BIN1: variants seen among roughly 807,000 people sequenced by gnomAD.
The protein encoded by BIN1 is bridging integrator 1.
Under a neutral mutation model 82.0 loss-of-function variants are expected in BIN1, and 53 were observed. The observed-to-expected ratio is 0.65, with a 90% CI of 0.52 to 0.81. The LOEUF is 0.81. Among genes scored for constraint, BIN1 ranks in the 40% least tolerant of loss-of-function variants. The pLI is 0.00. For synonymous variants in BIN1, 302 were observed against 328.0 expected (o/e 0.92, Z 0.86); for missense variants, 642 against 784.4 (o/e 0.82, Z 2.17).
At chr2:127,074,122 A>C (rs1273227126) in intron 2 of BIN1, among the ~76,000 whole-genome samples, 1 of 152,038 alleles carries the variant, frequency 6.6e-6, no homozygotes, top group African/African-American at 2.4e-5. Flanking sequence ...TGGGCCCACT[A>C]GGCTTGGGGC....
chr2:127,051,155 G>C lies in BIN1; in HGVS notation c.1460C>G (p.Ser487Cys), dbSNP rs1342661066. 6.2e-6 allele frequency: 10 copies of C among 1,613,382 alleles called. No individual in the cohort carries two copies. Among genetic ancestry groups the C allele is most frequent in the Non-Finnish European group, 8.5e-6 (10 of 1,179,918 alleles). ...PGETAASEAASSSLPAVVVET... is the reference protein window; with the variant it reads ...PGETAASEAACSSLPAVVVET... Reference sequence around the variant, plus strand: ...AGGGCTTTGTCCCTGCTGTCTTACGGAGGCTGCTTCACTTGCCGCCGTCTC... The same window carrying C: ...AGGGCTTTGTCCCTGCTGTCTTACGCAGGCTGCTTCACTTGCCGCCGTCTC... Residue 487 changes from serine to cysteine, a missense_variant and splice_region_variant, in exon 16 of 19, where the codon TCC becomes TGC. Physicochemically the swap from Ser to Cys is moderately radical, Grantham distance 112. Transcript: ENST00000316724.
Position 127,067,934 on chromosome 2 carries a change from C to T in BIN1, c.612+229G>A, listed in dbSNP as rs760780256. ...AATGACCACAGATGCAGCCACGGAG[C>T]GGGCATAGCTATGCCCCCACCCAGG... is the stretch of plus-strand genomic sequence containing the variant. On this transcript the variant is annotated intron_variant, in intron 7 of 18. Transcript: ENST00000316724. This position sits in a 1 kb window ranked among gnomAD's most constrained non-coding sequence, Gnocchi z 4.7. 2.6e-5 allele frequency among the ~76,000 whole-genome samples: 4 copies of T among 152,164 alleles called. No individual in the cohort carries two copies. Among genetic ancestry groups the T allele is most frequent in the East Asian group, 1.9e-4 (1 of 5,182 alleles).
chr2:127,092,998 A>G (rs1043556590), intron 1 of BIN1, among the ~76,000 whole-genome samples: 1 of 152,114 alleles, frequency 6.6e-6, no homozygotes, highest in Non-Finnish European at 1.5e-5. Flanking sequence ...AAAAAAAAAA[A>G]AAATCCCAGG....
At position 127,057,721 on chromosome 2, in the gene BIN1, G is replaced by T; in HGVS notation, c.1003-120C>A. 7.8e-7 allele frequency: 1 copy of T among 1,288,624 alleles called. No individual in the cohort carries two copies. The highest frequency in any genetic ancestry group is 1.8e-5 in the South Asian group (1 of 57,040). The allele number at this position is 1,288,624 out of a possible 1,614,324, so 79.8% of individuals were successfully genotyped here. A position where few individuals can be genotyped will look rare whatever the true frequency, so the allele number is the denominator to read the frequency against. The stretch of plus-strand genomic sequence containing the variant: ...CACCTCAGGCCACAGTCCCACCCAG[G>T]CCACTGAGCAGGACGCAGCAAATGA... On this transcript the variant is annotated intron_variant, in intron 11 of 18. Coordinates refer to ENST00000316724, the MANE Select transcript of BIN1 (RefSeq NM_139343.3). The surrounding 1 kb of genome is among the most constrained non-coding windows in gnomAD (Gnocchi z 5.0).
chr2:127,062,035 G>T (rs1285898408), intron 10 of BIN1, 80 bp downstream of exon 10: 1 of 1,498,102 alleles, frequency 6.7e-7, no homozygotes. Context: ...GACCAGGGAG[G>T]GCACCAACAG....
chr2:127,051,009 T>G, intron 16 of BIN1, 97 bp from the exon 17 acceptor site: 4 of 1,501,766 alleles, frequency 2.7e-6, no homozygotes, highest in Non-Finnish European at 3.7e-6. Flanking sequence ...GAAAGGTGTC[T>G]GCGCCTGGTG....
chr2:127,081,901 C>T (rs1296909752), intron 1 of BIN1: 1 of 1,276,956 alleles, frequency 7.8e-7, no homozygotes, highest in Non-Finnish European at 1.0e-6. Flanking sequence ...CTGTCTCGCC[C>T]CTTCCTCCCA....
chr2:127,049,888 G>A (rs967645043), intron 18 of BIN1, among the ~76,000 whole-genome samples: 2 of 152,212 alleles, frequency 1.3e-5, no homozygotes, highest in African/African-American at 2.4e-5. Context: ...GGAAGGCATC[G>A]TGGGTGAGCC....
rs138686436 is a variant in BIN1 at position 127,087,520 on chromosome 2, G to A, written c.85-10814C>T. On this transcript the variant is annotated intron_variant, in intron 1 of 18. Transcript: ENST00000316724. ...GCTGCGGTGGCCTGGGGAGCCCCGAGCAGAGCACACAGCGTGAGTGGAGGC... is the reference window on the plus strand; with the variant it reads ...GCTGCGGTGGCCTGGGGAGCCCCGAACAGAGCACACAGCGTGAGTGGAGGC... Among the ~76,000 whole-genome samples, 13 of 152,358 alleles carry A rather than the reference G, an allele frequency of 8.5e-5. No homozygotes were observed. In the East Asian group the frequency reaches 1.9e-3, roughly 23 times the overall value.
chr2:127,072,126 G>A (rs932115132), intron 2 of BIN1, among the ~76,000 whole-genome samples: 5 of 152,224 alleles, frequency 3.3e-5, no homozygotes, highest in Non-Finnish European at 2.9e-5. Context: ...TGCCTGCAGC[G>A]CTCCAGTCTG....
chr2:127,052,162 T>G, intron 15 of BIN1, 93 bp downstream of exon 15: 1 of 1,293,712 alleles, frequency 7.7e-7, no homozygotes, highest in Non-Finnish European at 1.1e-6. Context: ...GGTGGCCTGG[T>G]CCCTCCTGCA....
intron 4 of BIN1, 108 bp from the exon 5 acceptor site, chr2:127,070,198 G>A (rs1231830711): frequency 1.1e-6 from 1 of 889,614 alleles, no homozygotes; most frequent in African/African-American, 1.6e-5. Flanking sequence ...ACAGCTCAGT[G>A]GCTTCTCAGA....
intron 2 of BIN1, among the ~76,000 whole-genome samples, chr2:127,071,372 C>T (rs983926461): frequency 6.6e-6 from 1 of 152,188 alleles, no homozygotes; most frequent in Admixed American, 6.5e-5. Flanking sequence ...GACGGCACTA[C>T]AGCAGGGGTG....
intron 14 of BIN1, chr2:127,052,841 ACTGAGCCTTCC>A (rs1683141591): frequency 4.0e-6 from 1 of 248,686 alleles, no homozygotes. Flanking sequence ...TTGGGCAAGT[ACTGAGCCTTCC>A]CTGAGCCTCT....
intron 1 of BIN1, among the ~76,000 whole-genome samples, chr2:127,100,960 CCA>C (rs1202531038): frequency 7.0e-6 from 1 of 141,984 alleles, no homozygotes; most frequent in African/African-American, 2.7e-5. Context: ...AACCGGGATT[CCA>C]AGAATTCAGT....
chr2:127,072,548 G>A (rs1006691580), intron 2 of BIN1, among the ~76,000 whole-genome samples: 5 of 152,094 alleles, frequency 3.3e-5, no homozygotes, highest in African/African-American at 9.7e-5. Flanking sequence ...ATGCTTCCGT[G>A]TGACAGTAGA....
At chr2:127,078,261 C>A (rs773274137) in intron 1 of BIN1, among the ~76,000 whole-genome samples, 2 of 152,226 alleles carry the variant, frequency 1.3e-5, no homozygotes, top group Admixed American at 1.3e-4. Flanking sequence ...TTGCTCTGTG[C>A]CTGGCCTTGG....
chr2:127,107,021 C>A lies in BIN1; in HGVS notation c.-78G>T, dbSNP rs1292745077. On this transcript the variant is annotated 5_prime_UTR_variant, in exon 1 of 19. Coordinates refer to ENST00000316724, the MANE Select transcript of BIN1 (RefSeq NM_139343.3). This position sits in a 1 kb window ranked among gnomAD's most constrained non-coding sequence, Gnocchi z 5.9. ...TGCGCGCCGCGCTCCCAGCCCCCAG[C>A]CCCGGCCGCGCGTCCAGACCGGCTG... 4 of 1,414,954 alleles carry A rather than the reference C, an allele frequency of 2.8e-6. No homozygotes were observed. The highest frequency in any genetic ancestry group is 2.8e-6 in the Non-Finnish European group (3 of 1,081,408). 87.6% of individuals were successfully genotyped at this position (1,414,954 alleles called of 1,614,324 possible). A position where few individuals can be genotyped will look rare whatever the true frequency, so the allele number is the denominator to read the frequency against.
chr2:127,097,633 G>A (rs1464312336), intron 1 of BIN1, among the ~76,000 whole-genome samples: 3 of 152,224 alleles, frequency 2.0e-5, no homozygotes, highest in Non-Finnish European at 4.4e-5. Context: ...TCTGGCCCAG[G>A]CCACTCCTTC....
Sources: allele counts gnomAD v4.1 joint callset (sites outside exome capture counted in the v4.1 genomes callset), GRCh38; gene constraint gnomAD v4.1.1; non-coding constraint Gnocchi (gnomAD v3.1); transcripts MANE v1.5; gene names NCBI Gene and HGNC (gene_info 2026-07-23, HGNC 2026-07-21).